Variants in CRADD observed in about 807,000 individuals in gnomAD.
CRADD encodes CARD and death domain containing adaptor protein, also known as death domain-containing protein CRADD.
CRADD carries 9 observed loss-of-function variants against 15.5 expected under a neutral mutation model. The observed-to-expected ratio is 0.58, with a 90% CI of 0.35 to 1.01. CRADD has a LOEUF of 1.01. Among genes scored for constraint, CRADD ranks in the 50% least tolerant of loss-of-function variants. CRADD has a pLI of 0.02. For synonymous variants in CRADD, 118 were observed against 107.6 expected (o/e 1.10, Z -0.60); for missense variants, 227 against 250.3 (o/e 0.91, Z 0.63).
At chr12:93,873,130 G>A (rs1264986796) in intron 2 of CRADD, among the ~76,000 whole-genome samples, 1 of 151,650 alleles carries the variant, frequency 6.6e-6, no homozygotes, top group African/African-American at 2.4e-5. Flanking sequence ...TTGCTTCTTT[G>A]GCTAAGTTAA....
chr12:93,757,628 C>T (rs1465740561), intron 2 of CRADD, among the ~76,000 whole-genome samples: 1 of 152,142 alleles, frequency 6.6e-6, no homozygotes, highest in Non-Finnish European at 1.5e-5. Context: ...CAGTATATCA[C>T]TGCTTAAAAT....
Position 93,721,193 on chromosome 12 carries a change from G to T in CRADD, c.298+42121G>T, listed in dbSNP as rs142615401. Among the ~76,000 whole-genome samples the T allele has an allele frequency of 4.9e-3, 746 of 152,266 alleles. 3 individuals are homozygous for T. Among genetic ancestry groups the T allele is most frequent in the Non-Finnish European group, 8.5e-3 (576 of 68,024 alleles). ...AGTCTTCCCATCTTGGCCTCCCAAA[G>T]TGCTGGGATTAACAGATGTGAGCCA... On this transcript the variant is annotated intron_variant, in intron 2 of 2. Coordinates refer to ENST00000332896, the MANE Select transcript of CRADD (RefSeq NM_003805.5).
At chr12:93,818,610 G>A (rs780505639) in intron 2 of CRADD, among the ~76,000 whole-genome samples, 1 of 152,174 alleles carries the variant, frequency 6.6e-6, no homozygotes, top group Non-Finnish European at 1.5e-5. Context: ...GGCATGCAGG[G>A]GTTTATGAGT....
intron 2 of CRADD, among the ~76,000 whole-genome samples, chr12:93,685,998 AC>A (rs1955424340): frequency 6.6e-6 from 1 of 151,488 alleles, no homozygotes; most frequent in Admixed American, 6.6e-5. Flanking sequence ...CGTCTAAAAA[AC>A]AAAACCAACG....
chr12:93,741,515 A>G (rs1207554031), intron 2 of CRADD, among the ~76,000 whole-genome samples: 3 of 152,278 alleles, frequency 2.0e-5, no homozygotes, highest in African/African-American at 7.2e-5. Context: ...CTGATACCTC[A>G]TAGGAAGCTT....
intron 2 of CRADD, among the ~76,000 whole-genome samples, chr12:93,765,938 C>A (rs539964545): frequency 6.6e-6 from 1 of 151,876 alleles, no homozygotes; most frequent in Non-Finnish European, 1.5e-5. Context: ...AACCAGTAAT[C>A]CTGGGAGGCA....
intron 2 of CRADD, among the ~76,000 whole-genome samples, chr12:93,726,103 T>G (rs997619945): frequency 7.3e-6 from 1 of 136,774 alleles, no homozygotes; most frequent in Non-Finnish European, 1.5e-5. Context: ...AGTTTTTTTT[T>G]TTTTTTTTTT....
chr12:93,685,013 G>A (rs1046751370), intron 2 of CRADD, among the ~76,000 whole-genome samples: 2 of 152,226 alleles, frequency 1.3e-5, no homozygotes, highest in African/African-American at 2.4e-5. Context: ...ATACGTGGAT[G>A]TGGGATTAAG....
intron 2 of CRADD, among the ~76,000 whole-genome samples, chr12:93,755,459 T>A (rs532492812): frequency 6.6e-6 from 1 of 152,320 alleles, no homozygotes; most frequent in Admixed American, 6.5e-5. Flanking sequence ...AACTACCCTA[T>A]GATTTTCACC....
chr12:93,780,275 C>T lies in CRADD; in HGVS notation c.299-69695C>T, dbSNP rs555531843. Among the ~76,000 whole-genome samples, 5 of 152,310 alleles carry T rather than the reference C, an allele frequency of 3.3e-5. No individual in the cohort carries two copies. The South Asian group carries it at 1.0e-3, about 32-fold the overall frequency. ...ATAGTTAAGGATAAACTGAAGCATG[C>T]ACGATAGATAATGATAATAATAGTT... On this transcript the variant is annotated intron_variant, in intron 2 of 2. Coordinates refer to ENST00000332896, the MANE Select transcript of CRADD (RefSeq NM_003805.5).
chr12:93,781,762 A>T (rs1357922412), intron 2 of CRADD, among the ~76,000 whole-genome samples: 1 of 152,250 alleles, frequency 6.6e-6, no homozygotes, highest in Non-Finnish European at 1.5e-5. Flanking sequence ...AGACAGAGGA[A>T]CATGCTAAAC....
At chr12:93,893,758 T>G (rs1404074929) in intron 2 of CRADD, among the ~76,000 whole-genome samples, 1 of 151,890 alleles carries the variant, frequency 6.6e-6, no homozygotes, top group Admixed American at 6.6e-5. Context: ...ATACAAAAAT[T>G]AGCCAGGCGC....
intron 2 of CRADD, chr12:93,838,147 A>G (rs1043591627): frequency 6.6e-6 from 1 of 151,334 alleles, no homozygotes; most frequent in Non-Finnish European, 1.5e-5. Flanking sequence ...GTGAGGACCA[A>G]ATTGTTCTCT....
intron 2 of CRADD, among the ~76,000 whole-genome samples, chr12:93,750,519 A>G (rs1000537207): frequency 1.3e-5 from 2 of 152,222 alleles, no homozygotes; most frequent in Admixed American, 1.3e-4. Context: ...ACATAAAAAA[A>G]TAACAAAAAA....
intron 2 of CRADD, among the ~76,000 whole-genome samples, chr12:93,877,795 T>G (rs1194561136): frequency 2.0e-5 from 3 of 151,822 alleles, no homozygotes; most frequent in Non-Finnish European, 4.4e-5. Context: ...CATCCAAGAG[T>G]CAAGTCCTGG....
At chr12:93,733,104 T>C (rs1956496244) in intron 2 of CRADD, among the ~76,000 whole-genome samples, 1 of 152,246 alleles carries the variant, frequency 6.6e-6, no homozygotes, top group African/African-American at 2.4e-5. Context: ...TCAAACTCTA[T>C]GCCTGGAGGA....
downstream of CRADD, among the ~76,000 whole-genome samples, chr12:93,853,251 A>G (rs201270522): frequency 6.6e-5 from 10 of 152,328 alleles, no homozygotes; most frequent in East Asian, 1.9e-3. Context: ...AATGATCTTT[A>G]TATTCATGGC....
intron 2 of CRADD, among the ~76,000 whole-genome samples, chr12:93,825,632 C>T (rs974764425): frequency 6.6e-6 from 1 of 152,176 alleles, no homozygotes; most frequent in African/African-American, 2.4e-5. Context: ...TATTTCTCTT[C>T]TCTGTTATCC....
At chr12:93,839,045 T>C (rs1958017411) in intron 2 of CRADD, among the ~76,000 whole-genome samples, 1 of 152,166 alleles carries the variant, frequency 6.6e-6, no homozygotes. Context: ...AGTGTTGGGA[T>C]TACAGGCGTG....
Sources: gnomAD v4.1 joint callset for allele counts (sites outside exome capture counted in the v4.1 genomes callset) on GRCh38, gnomAD v4.1.1 for gene constraint, MANE v1.5 for transcripts, NCBI Gene and HGNC (gene_info 2026-07-23, HGNC 2026-07-21) for gene names.